Variants in CADM2 observed in about 807,000 individuals in gnomAD.
The protein encoded by CADM2 is immunoglobulin superfamily member 4D.
CADM2 carries 12 observed loss-of-function variants against 49.8 expected under a neutral mutation model. The ratio of observed to expected loss-of-function variants is 0.24; its 90% CI spans 0.15 to 0.39. The LOEUF is 0.39. CADM2 is among the 10% of genes least tolerant of loss of function. CADM2 has a pLI of 1.00. For missense variants in CADM2, 378 were observed against 492.3 expected, an observed-to-expected ratio of 0.77 and a Z score of 2.20; for synonymous variants, 214 against 175.4, an observed-to-expected ratio of 1.22 and a Z score of -1.74.
chr3:85,471,576 A>G (rs1350476515), intron 1 of CADM2, among the ~76,000 whole-genome samples: 1 of 152,090 alleles, frequency 6.6e-6, no homozygotes, highest in Non-Finnish European at 1.5e-5. Flanking sequence ...TTTTTTAGTT[A>G]GATTTTCCTA....
intron 8 of CADM2, among the ~76,000 whole-genome samples, chr3:85,996,478 C>T (rs910266785): frequency 1.3e-5 from 2 of 151,730 alleles, no homozygotes; most frequent in African/African-American, 4.8e-5. Flanking sequence ...AACTAAAATT[C>T]ACATACATAT....
intron 2 of CADM2, among the ~76,000 whole-genome samples, chr3:85,785,516 A>G (rs1194783122): frequency 6.6e-6 from 1 of 152,074 alleles, no homozygotes; most frequent in African/African-American, 2.4e-5. Flanking sequence ...ATAGTAGCAC[A>G]ATTCTAGGTT....
At position 85,004,682 on chromosome 3, in the gene CADM2, T is replaced by A. The variant is rs1315223397; in HGVS notation, c.61+45014T>A. ...AAGTTTGAAGAAGTGGGCACCCTAC[T>A]TAAAGGCCCCGAAGCAGGAGAAGAA... is the stretch of plus-strand genomic sequence containing the variant. On this transcript the variant is annotated intron_variant, in intron 1 of 9. Transcript: ENST00000383699. Among the ~76,000 whole-genome samples, 7 of 152,232 alleles carry A rather than the reference T, an allele frequency of 4.6e-5. No homozygotes were observed. In the South Asian group the frequency reaches 6.2e-4, roughly 14 times the overall value.
chr3:85,832,658 T>C (rs183612237), intron 3 of CADM2, among the ~76,000 whole-genome samples: 18 of 152,122 alleles, frequency 1.2e-4, no homozygotes, highest in Admixed American at 3.3e-4. Flanking sequence ...ATTGATTTTG[T>C]AACCTGAAAT....
At chr3:85,316,186 T>A (rs925634298) in intron 1 of CADM2, among the ~76,000 whole-genome samples, 1 of 152,230 alleles carries the variant, frequency 6.6e-6, no homozygotes, top group African/African-American at 2.4e-5. Context: ...CATCTGTAAG[T>A]TTCCTTCAAA....
chr3:86,055,473 T>TGG (rs1375251215), intron 8 of CADM2, among the ~76,000 whole-genome samples: 24 of 127,034 alleles, frequency 1.9e-4, no homozygotes, highest in African/African-American at 7.9e-4. Flanking sequence ...TTTTTTTTTT[T>TGG]TTTTTTGGTT....
intron 1 of CADM2, among the ~76,000 whole-genome samples, chr3:85,641,935 A>AAAATT (rs2064730256): frequency 6.6e-6 from 1 of 152,132 alleles, no homozygotes; most frequent in Admixed American, 6.5e-5. Context: ...CGTCTCAAAA[A>AAAATT]AAATTAAAAA....
chr3:85,341,729 T>C (rs1482281888), intron 1 of CADM2, among the ~76,000 whole-genome samples: 1 of 152,016 alleles, frequency 6.6e-6, no homozygotes. Context: ...AGAGCTAAAG[T>C]GCAATGACTT....
intron 1 of CADM2, among the ~76,000 whole-genome samples, chr3:85,189,381 C>A (rs1173389937): frequency 6.6e-6 from 1 of 151,818 alleles, no homozygotes; most frequent in Non-Finnish European, 1.5e-5. Flanking sequence ...ATTTTTCATA[C>A]CCAATAATCC....
intron 1 of CADM2, among the ~76,000 whole-genome samples, chr3:84,960,791 T>C (rs1403312319): frequency 6.6e-6 from 1 of 152,104 alleles, no homozygotes; most frequent in Non-Finnish European, 1.5e-5. Context: ...AGGACGATGC[T>C]GATTATGAAA....
chr3:85,866,468 C>A (rs73147140), intron 3 of CADM2, among the ~76,000 whole-genome samples: 7,810 of 152,096 alleles, frequency 0.051, 420 homozygotes, highest in African/African-American at 0.13. Context: ...CCTTCCATAG[C>A]CCTGATTTGT....
chr3:85,135,038 A>G (rs2039372274), intron 1 of CADM2, among the ~76,000 whole-genome samples: 1 of 151,984 alleles, frequency 6.6e-6, no homozygotes, highest in South Asian at 2.1e-4. Context: ...TTTAACAAAA[A>G]AAGCAATGTC....
intron 1 of CADM2, among the ~76,000 whole-genome samples, chr3:85,584,586 G>A (rs2062886179): frequency 6.6e-6 from 1 of 152,058 alleles, no homozygotes; most frequent in Admixed American, 6.6e-5. Context: ...TGTTTCTAAT[G>A]TTAGTAGTGT....
chr3:85,212,266 C>T (rs189238076), intron 1 of CADM2, among the ~76,000 whole-genome samples: 16 of 152,238 alleles, frequency 1.1e-4, no homozygotes, highest in African/African-American at 3.4e-4. Context: ...AGTCCATTCA[C>T]ATTCAGTGTT....
intron 1 of CADM2, among the ~76,000 whole-genome samples, chr3:85,606,852 G>T (rs2063552977): frequency 6.6e-6 from 1 of 151,994 alleles, no homozygotes; most frequent in Admixed American, 6.6e-5. Flanking sequence ...ACAAAGATTG[G>T]ATCTGCATTA....
chr3:86,019,001 A>G (rs1193753696), intron 8 of CADM2, among the ~76,000 whole-genome samples: 1 of 129,808 alleles, frequency 7.7e-6, no homozygotes, highest in African/African-American at 3.0e-5. Context: ...TAGGGTTTTT[A>G]TGGTTTTAGG....
At chr3:86,009,217 G>GTGTATA (rs386397251) in intron 8 of CADM2, among the ~76,000 whole-genome samples, 43 of 145,142 alleles carry the variant, frequency 3.0e-4, no homozygotes, top group African/African-American at 1.0e-3. Flanking sequence ...GTATGTGTGT[G>GTGTATA]TATATATATA....
At chr3:85,570,076 G>A (rs893723967) in intron 1 of CADM2, among the ~76,000 whole-genome samples, 6 of 152,050 alleles carry the variant, frequency 3.9e-5, no homozygotes, top group Admixed American at 6.6e-5. Context: ...CATCCTTTAA[G>A]CTAGATTACT....
chr3:85,516,991 T>C (rs2060920012), intron 1 of CADM2, among the ~76,000 whole-genome samples: 1 of 152,004 alleles, frequency 6.6e-6, no homozygotes, highest in African/African-American at 2.4e-5. Flanking sequence ...GAACACTTTG[T>C]CATTTTTATT....
Sources: allele counts gnomAD v4.1 joint callset (sites outside exome capture counted in the v4.1 genomes callset), GRCh38; gene constraint gnomAD v4.1.1; transcripts MANE v1.5; gene names NCBI Gene and HGNC (gene_info 2026-07-23, HGNC 2026-07-21).